BEND4: variants seen among roughly 807,000 people sequenced by gnomAD.
BEND4 encodes BEN domain-containing protein 4.
A neutral mutation model predicts 54.7 loss-of-function variants in BEND4; 27 were observed. The ratio of observed to expected loss-of-function variants is 0.49; its 90% CI spans 0.36 to 0.68. The LOEUF is 0.68. Among genes scored for constraint, BEND4 ranks in the 30% least tolerant of loss-of-function variants. The pLI is 0.00. For synonymous variants in BEND4, 327 were observed against 299.5 expected (o/e 1.09, Z -0.95); for missense variants, 702 against 697.2 (o/e 1.01, Z -0.08).
chr4:42,121,006 C>A (rs1380548165), intron 4 of BEND4, among the ~76,000 whole-genome samples: 1 of 152,144 alleles, frequency 6.6e-6, no homozygotes, highest in Non-Finnish European at 1.5e-5. Flanking sequence ...ATTTCCGTAA[C>A]ATTTATAAGC....
rs1406124641 is a variant in BEND4, at chr4:42,151,765, A to C, written c.379T>G (p.Ser127Ala). The change falls in exon 2 of 6, where the codon TCC becomes GCC. Residue 127 changes from serine (S) to alanine (A), a missense_variant. Transcript: ENST00000502486. ...ACAGCGGCGAACGAAGACGACGAGG[A>C]GGCGGCGGGGGACGCGGGCGGCGGC... is the stretch of plus-strand genomic sequence containing the variant. ...AQPPPASPAA[S>A]SSSSFAAVVR... The C allele has an allele frequency of 2.0e-6, 3 of 1,497,406 alleles. No individual in the cohort carries two copies. The highest frequency in any genetic ancestry group is 2.2e-5 in the Admixed American group (1 of 45,484). The allele number at this position is 1,497,406 out of a possible 1,614,324, so 92.8% of individuals were successfully genotyped here.
At chr4:42,140,370 C>T (rs879553679) in intron 3 of BEND4, among the ~76,000 whole-genome samples, 1 of 152,202 alleles carries the variant, frequency 6.6e-6, no homozygotes, top group Non-Finnish European at 1.5e-5. Flanking sequence ...AATTAATAAA[C>T]TGGCTTTTCA....
At position 42,117,489 on chromosome 4, in the gene BEND4, C is replaced by G. The variant is rs1367404904; in HGVS notation, c.*29G>C. ...TCACAATTGGAACTCTTGAGAGGACCAGCTGCTACAACAGGAAGATTCTGT... is the reference window on the plus strand; with the variant it reads ...TCACAATTGGAACTCTTGAGAGGACGAGCTGCTACAACAGGAAGATTCTGT... On this transcript the variant is annotated 3_prime_UTR_variant, in exon 6 of 6. Transcript: ENST00000502486. 6.6e-7 allele frequency: 1 copy of G among 1,512,870 alleles called. No homozygotes were observed. Among genetic ancestry groups the G allele is most frequent in the Non-Finnish European group, 9.1e-7 (1 of 1,100,322 alleles). 93.7% of individuals were successfully genotyped at this position (1,512,870 alleles called of 1,614,324 possible).
chr4:42,144,294 G>A (rs967737747), intron 2 of BEND4, among the ~76,000 whole-genome samples: 7 of 152,160 alleles, frequency 4.6e-5, no homozygotes, highest in Admixed American at 1.3e-4. Context: ...GCACAGGTCT[G>A]AACTCACACC....
chr4:42,119,322 T>C (rs548999831), intron 5 of BEND4, among the ~76,000 whole-genome samples: 2 of 152,292 alleles, frequency 1.3e-5, no homozygotes, highest in East Asian at 1.9e-4. Context: ...TAGGTTAATA[T>C]TGAGCTTTTT....
intron 3 of BEND4, among the ~76,000 whole-genome samples, chr4:42,139,367 A>G (rs1720805524): frequency 6.6e-6 from 1 of 152,158 alleles, no homozygotes; most frequent in African/African-American, 2.4e-5. Flanking sequence ...TGATCATCAA[A>G]AGACTGTGTT....
At chr4:42,138,237 T>C (rs1282655874) in intron 3 of BEND4, among the ~76,000 whole-genome samples, 2 of 152,048 alleles carry the variant, frequency 1.3e-5, no homozygotes, top group African/African-American at 2.4e-5. Flanking sequence ...TTGGATAGAG[T>C]ATTATCCTGA....
intron 4 of BEND4, among the ~76,000 whole-genome samples, chr4:42,121,002 G>A (rs542453095): frequency 1.4e-4 from 21 of 152,192 alleles, no homozygotes; most frequent in African/African-American, 3.1e-4. Context: ...GGGAATTTCC[G>A]TAACATTTAT....
At chr4:42,137,846 T>C (rs181948059) in intron 3 of BEND4, among the ~76,000 whole-genome samples, 65 of 152,290 alleles carry the variant, frequency 4.3e-4, no homozygotes, top group African/African-American at 1.5e-3. Flanking sequence ...AAAAATGTAC[T>C]CAACATCATT....
chr4:42,133,703 A>C (rs1577757760), intron 3 of BEND4, among the ~76,000 whole-genome samples: 2 of 152,218 alleles, frequency 1.3e-5, no homozygotes, highest in East Asian at 3.9e-4. Flanking sequence ...AAAATACAAA[A>C]AATTAGCTGG....
chr4:42,132,686 C>A (rs1720552324), intron 3 of BEND4, among the ~76,000 whole-genome samples: 1 of 152,034 alleles, frequency 6.6e-6, no homozygotes, highest in Non-Finnish European at 1.5e-5. Context: ...CCTGAGTGAT[C>A]CACCCGCCTC....
chr4:42,125,533 T>C, intron 4 of BEND4, 50 bp downstream of exon 4: 2 of 1,385,874 alleles, frequency 1.4e-6, no homozygotes, highest in South Asian at 1.2e-5. Flanking sequence ...TTAATCAAGA[T>C]ACTTAAGAGA....
chr4:42,123,045 G>A (rs535299655), intron 4 of BEND4, among the ~76,000 whole-genome samples: 1 of 152,136 alleles, frequency 6.6e-6, no homozygotes, highest in African/African-American at 2.4e-5. Flanking sequence ...TACATAAAAT[G>A]TTGGTCTCAT....
At chr4:42,122,046 C>CG (rs1300677800) in intron 4 of BEND4, among the ~76,000 whole-genome samples, 1 of 151,998 alleles carries the variant, frequency 6.6e-6, no homozygotes, top group African/African-American at 2.4e-5. Flanking sequence ...GGGGTGAAAT[C>CG]GGGGGGCTGG....
Position 42,112,885 on chromosome 4 carries a change from T to C in BEND4, c.*4633A>G, listed in dbSNP as rs549280411. On this transcript the variant is annotated 3_prime_UTR_variant, in exon 6 of 6. Coordinates refer to ENST00000502486, the MANE Select transcript of BEND4 (RefSeq NM_207406.4). ...ACATAAATAAAAGAACCAGTGCCAC[T>C]GGCTGACAGTGTAACTTTGCAGAGG... is the stretch of plus-strand genomic sequence containing the variant. 3 of 152,194 alleles carry C rather than the reference T, an allele frequency of 2.0e-5. No individual in the cohort carries two copies. Among genetic ancestry groups the C allele is most frequent in the Non-Finnish European group, 4.4e-5 (3 of 68,032 alleles). The allele number at this position is 152,194 out of a possible 1,614,324, so 9.4% of individuals were successfully genotyped here.
At chr4:42,120,779 T>C (rs571575225) in intron 4 of BEND4, among the ~76,000 whole-genome samples, 1 of 152,182 alleles carries the variant, frequency 6.6e-6, no homozygotes, top group Admixed American at 6.5e-5. Flanking sequence ...AGTCACTGCA[T>C]TACAACAGAA....
At chr4:42,141,496 C>T (rs1720878824) in intron 3 of BEND4, among the ~76,000 whole-genome samples, 1 of 152,198 alleles carries the variant, frequency 6.6e-6, no homozygotes, top group Non-Finnish European at 1.5e-5. Context: ...CTTTGGGGGG[C>T]CAAGGCCGGC....
chr4:42,119,449 C>T (rs570963514), intron 5 of BEND4, among the ~76,000 whole-genome samples: 38 of 152,272 alleles, frequency 2.5e-4, no homozygotes, highest in African/African-American at 9.1e-4. Flanking sequence ...CTCCTTCCCA[C>T]CCCTCTGCCT....
chr4:42,120,963 G>A (rs114709436), intron 4 of BEND4, among the ~76,000 whole-genome samples: 1 of 152,074 alleles, frequency 6.6e-6, no homozygotes, highest in African/African-American at 2.4e-5. Flanking sequence ...AAAATTCCCG[G>A]GCTAAATAGC....
Sources: allele counts gnomAD v4.1 joint callset (sites outside exome capture counted in the v4.1 genomes callset), GRCh38; gene constraint gnomAD v4.1.1; transcripts MANE v1.5; gene names NCBI Gene and HGNC (gene_info 2026-07-23, HGNC 2026-07-21).